The following RBM20 variants were observed in gnomAD, a reference collection of about 807,000 sequenced individuals.
RBM20 encodes the protein RNA binding motif protein 20, also known as RNA-binding protein 20.
In RBM20, 51 loss-of-function variants were observed where a neutral mutation model predicts 110.1. The ratio of observed to expected loss-of-function variants is 0.46; its 90% confidence interval spans 0.37 to 0.59. The LOEUF (loss-of-function observed/expected upper bound fraction) is 0.59. RBM20 is among the 20% of genes least tolerant of loss of function. RBM20 has a pLI of 0.00. For missense variants in RBM20, 1,512 were observed against 1,574.9 expected (o/e 0.96, Z 0.68); for synonymous variants, 589 against 618.2 (o/e 0.95, Z 0.70).
chr10:110,730,134 C>T (rs1374524176), intron 1 of RBM20, among the ~76,000 whole-genome samples: 2 of 152,142 alleles, frequency 1.3e-5, no homozygotes, highest in African/African-American at 4.8e-5. Flanking sequence ...TTTTTTAAGA[C>T]TAGTCCCAAG....
chr10:110,824,994 TC>T (rs1315825721), intron 12 of RBM20, among the ~76,000 whole-genome samples: 1 of 146,074 alleles, frequency 6.8e-6, no homozygotes, highest in African/African-American at 2.4e-5. Context: ...TCTTACTATT[TC>T]TTTCCTCCAG....
intron 7 of RBM20, among the ~76,000 whole-genome samples, chr10:110,809,384 A>G (rs1214635775): frequency 6.6e-6 from 1 of 152,080 alleles, no homozygotes; most frequent in Non-Finnish European, 1.5e-5. Context: ...TATAACTCAC[A>G]TTCCATAAAA....
intron 1 of RBM20, among the ~76,000 whole-genome samples, chr10:110,669,660 G>A (rs1044414165): frequency 2.6e-5 from 4 of 152,220 alleles, no homozygotes; most frequent in Non-Finnish European, 2.9e-5. Flanking sequence ...GGGCTCAAGC[G>A]GTCCTCCAGC....
rs755752098 is a variant in RBM20, at chr10:110,797,656, T to C, written c.1668+8T>C. The C allele has an allele frequency of 1.9e-6, 3 of 1,551,588 alleles. No individual in the cohort carries two copies. The highest frequency in any genetic ancestry group is 1.4e-5 in the African/African-American group (1 of 73,040). On this transcript the variant is annotated splice_region_variant and intron_variant, in intron 6 of 13. Transcript: ENST00000369519. ...ATGAAGTCGACTAATCAGGTAGGTC[T>C]GGGTACTTTCACTCCAGTGTATATG...
intron 8 of RBM20, among the ~76,000 whole-genome samples, chr10:110,810,829 G>T (rs979583036): frequency 8.1e-6 from 1 of 123,000 alleles, no homozygotes; most frequent in Non-Finnish European, 1.8e-5. Context: ...GTGTGCGTGT[G>T]TGTGTGCATG....
rs1862069841 is a variant in RBM20, at chr10:110,659,423, A to G, written c.191+14778A>G. ...TTGTTCAAACAGTCAATGAGATGAC[A>G]GGTGAACATGCCTTGGTAGGAAAGC... On this transcript the variant is annotated intron_variant, in intron 1 of 13. Coordinates refer to ENST00000369519, the MANE Select transcript of RBM20 (RefSeq NM_001134363.3). 2.0e-5 allele frequency among the ~76,000 whole-genome samples: 3 copies of G among 152,228 alleles called. 1 individual carries two copies. The highest frequency in any genetic ancestry group is 1.3e-4 in the Admixed American group (2 of 15,284).
chr10:110,754,407 T>G (rs1372152964), intron 1 of RBM20, among the ~76,000 whole-genome samples: 1 of 152,162 alleles, frequency 6.6e-6, no homozygotes, highest in Admixed American at 6.5e-5. Context: ...ATTCTCAGCT[T>G]TTATCTTTTC....
rs1372588726 is a variant in RBM20, at chr10:110,776,625, G to T, written c.192-4176G>T. On this transcript the variant is annotated intron_variant, in intron 1 of 13. Transcript: ENST00000369519. Reference sequence around the variant, plus strand: ...TCTTCTCGCTGACTCTGATCCTCCTGCTTCCGTCTTAGAAGGACTCTTGTG... The same window carrying T: ...TCTTCTCGCTGACTCTGATCCTCCTTCTTCCGTCTTAGAAGGACTCTTGTG... Among the ~76,000 whole-genome samples, 5 of 152,220 alleles carry T rather than the reference G, an allele frequency of 3.3e-5. No individual in the cohort carries two copies. In the East Asian group the frequency reaches 9.6e-4, roughly 29 times the overall value.
chr10:110,676,373 A>G (rs1564812435), intron 1 of RBM20, among the ~76,000 whole-genome samples: 1 of 152,234 alleles, frequency 6.6e-6, no homozygotes, highest in African/African-American at 2.4e-5. Context: ...TTTATTGCCT[A>G]TAAAGTTAAA....
At chr10:110,814,187 C>A (rs895043513) in intron 9 of RBM20, among the ~76,000 whole-genome samples, 2 of 152,194 alleles carry the variant, frequency 1.3e-5, no homozygotes, top group African/African-American at 4.8e-5. Flanking sequence ...CTTTTGGATG[C>A]TACTTCAGCA....
chr10:110,742,727 A>G (rs957728159), intron 1 of RBM20, among the ~76,000 whole-genome samples: 1 of 152,208 alleles, frequency 6.6e-6, no homozygotes, highest in African/African-American at 2.4e-5. Context: ...CAGCTGGTCT[A>G]TATTTTAGTA....
chr10:110,812,949 T>A lies in RBM20; in HGVS notation c.2550+2T>A. On this transcript the variant is annotated splice_donor_variant, in intron 9 of 13. Transcript: ENST00000369519. LOFTEE classifies it high-confidence loss of function. ...GAAAACACAATGGCAGAGAATGAGGTAATGATCAATTTCTTCCCCAGGTAA... is the reference window on the plus strand; with the variant it reads ...GAAAACACAATGGCAGAGAATGAGGAAATGATCAATTTCTTCCCCAGGTAA... 17 of 1,332,768 alleles carry A rather than the reference T, an allele frequency of 1.3e-5. No homozygotes were observed. The highest frequency in any genetic ancestry group is 1.6e-5 in the Non-Finnish European group (16 of 994,760). The allele number at this position is 1,332,768 out of a possible 1,614,324, so 82.6% of individuals were successfully genotyped here. A position where few individuals can be genotyped will look rare whatever the true frequency, so the allele number is the denominator to read the frequency against.
Position 110,687,842 on chromosome 10 carries a change from C to T in RBM20, c.191+43197C>T, listed in dbSNP as rs73355050. 4.7e-4 allele frequency among the ~76,000 whole-genome samples: 72 copies of T among 152,186 alleles called. 1 individual carries two copies. The highest frequency in any genetic ancestry group is 3.4e-3 in the Middle Eastern group (1 of 294). ...TTTAAAAATGTTGCATCAACATTTA[C>T]GATACATATAAAAAAGGTACACAAA... On this transcript the variant is annotated intron_variant, in intron 1 of 13. Transcript: ENST00000369519.
chr10:110,805,673 C>T (rs1476283687), intron 7 of RBM20, among the ~76,000 whole-genome samples: 3 of 152,152 alleles, frequency 2.0e-5, no homozygotes, highest in South Asian at 2.1e-4. Flanking sequence ...TAGCCAGGTG[C>T]GGGCAGGGCT....
At chr10:110,704,732 A>G (rs769709661) in intron 1 of RBM20, among the ~76,000 whole-genome samples, 1 of 152,208 alleles carries the variant, frequency 6.6e-6, no homozygotes, top group Non-Finnish European at 1.5e-5. Context: ...AAGAGCCATT[A>G]GACTGTGTGC....
At chr10:110,763,929 C>T (rs1490381084) in intron 1 of RBM20, among the ~76,000 whole-genome samples, 1 of 152,056 alleles carries the variant, frequency 6.6e-6, no homozygotes, top group Non-Finnish European at 1.5e-5. Context: ...GGTCTCTGCC[C>T]AGTAGATGCC....
chr10:110,833,249 C>T (rs562795495), intron 13 of RBM20, among the ~76,000 whole-genome samples: 4 of 151,902 alleles, frequency 2.6e-5, no homozygotes, highest in East Asian at 1.9e-4. Context: ...ACTAGCCAGG[C>T]GTGGTGGCGC....
intron 1 of RBM20, among the ~76,000 whole-genome samples, chr10:110,716,207 G>T (rs1863014407): frequency 6.6e-6 from 1 of 152,210 alleles, no homozygotes; most frequent in Admixed American, 6.5e-5. Context: ...TAGAATGGTA[G>T]GTGCGTAATT....
intron 1 of RBM20, among the ~76,000 whole-genome samples, chr10:110,705,283 A>C (rs1374334677): frequency 6.8e-6 from 1 of 147,118 alleles, no homozygotes; most frequent in Non-Finnish European, 1.5e-5. Flanking sequence ...AGTCAGCAAT[A>C]ATTTTCTTGA....
Sources: gnomAD v4.1 joint callset for allele counts (sites outside exome capture counted in the v4.1 genomes callset) on GRCh38, gnomAD v4.1.1 for gene constraint, MANE v1.5 for transcripts, NCBI Gene and HGNC (gene_info 2026-07-23, HGNC 2026-07-21) for gene names.